CDC20B: variants seen among roughly 807,000 people sequenced by gnomAD.
CDC20B encodes the protein cell division cycle 20B, also known as cell division cycle protein 20 homolog B.
CDC20B carries 58 observed loss-of-function variants against 64.1 expected under a neutral mutation model. The observed-to-expected ratio is 0.90, with a 90% CI of 0.73 to 1.13. CDC20B has a LOEUF of 1.13. Ranked by LOEUF, CDC20B falls within the 50% of genes most tolerant of loss-of-function variation. The probability of loss-of-function intolerance (pLI) is 0.00; values close to 1 mark genes in which losing one functional copy is unlikely to be tolerated. For synonymous variants in CDC20B, 243 were observed against 230.6 expected (o/e 1.05, Z -0.49); for missense variants, 597 against 633.0 (o/e 0.94, Z 0.61).
intron 7 of CDC20B, among the ~76,000 whole-genome samples, chr5:55,127,689 T>A (rs76432642): frequency 8.9e-4 from 136 of 152,316 alleles, no homozygotes; most frequent in African/African-American, 3.2e-3. Flanking sequence ...AATCTGGAAA[T>A]CTACCCACAG....
At chr5:55,169,904 G>C (rs1007495230) in intron 2 of CDC20B, among the ~76,000 whole-genome samples, 8 of 152,166 alleles carry the variant, frequency 5.3e-5, no homozygotes, top group Admixed American at 1.3e-4. Flanking sequence ...ACGAGGTCAG[G>C]AGATCGAGAC....
chr5:55,172,305 A>C (rs1561100303), intron 2 of CDC20B: 6 of 348,352 alleles, frequency 1.7e-5, no homozygotes, highest in Non-Finnish European at 3.2e-5. Flanking sequence ...CAACTGTTAA[A>C]ATCATTAACA....
At chr5:55,148,579 T>C (rs1743568721) in intron 2 of CDC20B, among the ~76,000 whole-genome samples, 1 of 152,254 alleles carries the variant, frequency 6.6e-6, no homozygotes, top group South Asian at 2.1e-4. Context: ...TTGAGCGTGG[T>C]GGTGTGTACT....
rs895423889 is a variant in CDC20B at position 55,154,834 on chromosome 5, A to G, written c.127-7978T>C. Among the ~76,000 whole-genome samples, 4 of 152,222 alleles carry G rather than the reference A, an allele frequency of 2.6e-5. No individual in the cohort carries two copies. In the East Asian group the frequency reaches 7.7e-4, roughly 29 times the overall value. On this transcript the variant is annotated intron_variant, in intron 2 of 11. Transcript: ENST00000381375. Reference sequence around the variant, plus strand: ...TTTCCTTAGAAAAATTAATTTTAGAAAAATAAATTGTATTTAAATACTCAT... The same window carrying G: ...TTTCCTTAGAAAAATTAATTTTAGAGAAATAAATTGTATTTAAATACTCAT...
chr5:55,146,846 G>T lies in CDC20B; in HGVS notation c.137C>A (p.Ser46Ter). 6.2e-7 allele frequency: 1 copy of T among 1,613,792 alleles called. No homozygotes were observed. The highest frequency in any genetic ancestry group is 1.1e-5 in the South Asian group (1 of 91,052). The change falls in exon 3 of 12, where the codon TCA becomes TAA. Residue 46 changes from serine to a stop codon, truncating the protein, a stop_gained. Coordinates refer to ENST00000381375, the MANE Select transcript of CDC20B (RefSeq NM_001170402.1). LOFTEE classifies it high-confidence loss of function. ...RSQDSANVLD[S>*]VNATYSDFKS... Reference sequence around the variant, plus strand: ...AAAGTCAGAATACGTAGCATTAACTGAATCGAGTACCTGTTTAACAACAAA... The same window carrying T: ...AAAGTCAGAATACGTAGCATTAACTTAATCGAGTACCTGTTTAACAACAAA...
chr5:55,120,419 A>G lies in CDC20B; in HGVS notation c.1341+6T>C. 1 of 1,613,612 alleles carries G rather than the reference A, an allele frequency of 6.2e-7. No individual in the cohort carries two copies. The highest frequency in any genetic ancestry group is 1.1e-5 in the South Asian group (1 of 91,082). Reference sequence around the variant, plus strand: ...AATGAAGATGAAGCCCAGAGGAGATATTAACCTGTGAGTTTGTGCTTGGGG... The same window carrying G: ...AATGAAGATGAAGCCCAGAGGAGATGTTAACCTGTGAGTTTGTGCTTGGGG... On this transcript the variant is annotated splice_donor_region_variant and intron_variant, in intron 10 of 11. Coordinates refer to ENST00000381375, the MANE Select transcript of CDC20B (RefSeq NM_001170402.1).
intron 1 of CDC20B, 27 bp from the exon 2 acceptor site, chr5:55,172,677 G>A: frequency 6.6e-7 from 1 of 1,522,096 alleles, no homozygotes. Context: ...AACATATTGA[G>A]GGAGAAACTA....
intron 2 of CDC20B, among the ~76,000 whole-genome samples, chr5:55,151,432 C>A (rs955542674): frequency 6.6e-6 from 1 of 152,148 alleles, no homozygotes; most frequent in African/African-American, 2.4e-5. Context: ...GGAAGATAAA[C>A]TTAGTTTGCA....
Position 55,125,146 on chromosome 5 carries a change from A to G in CDC20B, c.990-118T>C, listed in dbSNP as rs78392493. 145 of 699,964 alleles carry G rather than the reference A, an allele frequency of 2.1e-4. 1 individual carries two copies. The East Asian group carries it at 3.8e-3, about 18-fold the overall frequency. The allele number at this position is 699,964 out of a possible 1,614,324, so 43.4% of individuals were successfully genotyped here. ...AAGACCCCTAGGACAGATTCAAAAC[A>G]CAGGTGGAGATTCCTTGGGTTAATA... is the stretch of plus-strand genomic sequence containing the variant. On this transcript the variant is annotated intron_variant, in intron 8 of 11. Coordinates refer to ENST00000381375, the MANE Select transcript of CDC20B (RefSeq NM_001170402.1).
chr5:55,161,632 G>T (rs1744070446), intron 2 of CDC20B, among the ~76,000 whole-genome samples: 1 of 152,126 alleles, frequency 6.6e-6, no homozygotes, highest in South Asian at 2.1e-4. Context: ...GAATAGTGCT[G>T]GGCATTATTA....
rs1017121579 is a variant in CDC20B, at chr5:55,124,625, C to T, written c.1215+178G>A. 3.3e-5 allele frequency among the ~76,000 whole-genome samples: 5 copies of T among 152,210 alleles called. No homozygotes were observed. In the East Asian group the frequency reaches 9.6e-4, roughly 29 times the overall value. On this transcript the variant is annotated intron_variant, in intron 9 of 11. Transcript: ENST00000381375. Reference sequence around the variant, plus strand: ...TTTCAGTCACCTACAACTAAAAAATCTGACCAGTGGAAAGTATAAATAGGG... The same window carrying T: ...TTTCAGTCACCTACAACTAAAAAATTTGACCAGTGGAAAGTATAAATAGGG...
chr5:55,155,691 C>A (rs1037391891), intron 2 of CDC20B, among the ~76,000 whole-genome samples: 1 of 152,182 alleles, frequency 6.6e-6, no homozygotes, highest in Admixed American at 6.5e-5. Flanking sequence ...TAAACATCAT[C>A]CTTTATCTCT....
rs1326296559 is a variant in CDC20B at position 55,160,363 on chromosome 5, A to C, written c.126+12225T>G. The C allele has an allele frequency of 3.7e-6, 6 of 1,613,036 alleles. No individual in the cohort carries two copies. In the South Asian group the frequency reaches 5.5e-5, roughly 15 times the overall value. On this transcript the variant is annotated intron_variant, in intron 2 of 11. Coordinates refer to ENST00000381375, the MANE Select transcript of CDC20B (RefSeq NM_001170402.1). ...CCTTTGAAGTGAAGGATGCAAAAGGAAGAACTGTTTCTCTGGAAAAGTATA... is the reference window on the plus strand; with the variant it reads ...CCTTTGAAGTGAAGGATGCAAAAGGCAGAACTGTTTCTCTGGAAAAGTATA...
At chr5:55,115,474 G>A (rs1003107574) in intron 11 of CDC20B, among the ~76,000 whole-genome samples, 11 of 152,204 alleles carry the variant, frequency 7.2e-5, no homozygotes, top group African/African-American at 2.7e-4. Context: ...TCAAGGGCTA[G>A]TGCTCCTTGG....
intron 2 of CDC20B, chr5:55,172,232 T>C (rs1328810208): frequency 1.2e-5 from 3 of 241,692 alleles, no homozygotes; most frequent in East Asian, 1.2e-4. Context: ...GTCCACAAGA[T>C]GGCACCATTT....
chr5:55,161,331 T>C, intron 2 of CDC20B: 1 of 1,346,176 alleles, frequency 7.4e-7, no homozygotes, highest in South Asian at 1.4e-5. Context: ...AATACTTTCC[T>C]ATTTCATTTG....
At chr5:55,164,092 G>C (rs758275498) in intron 2 of CDC20B, 2 of 1,598,368 alleles carry the variant, frequency 1.3e-6, no homozygotes, top group Non-Finnish European at 8.5e-7. Context: ...ATTTTTGGAA[G>C]TATCTTGTCA....
In CDC20B at chr5:55,126,466, C is replaced by CAAAA. The variant is rs34581363; in HGVS notation, c.989+787_989+790dup. On this transcript the variant is annotated intron_variant, in intron 8 of 11. Transcript: ENST00000381375. ...TAGGTGACAGAGTGAGATTCCATGT[C>CAAAA]AAAAAAAAAAAAAAAAAAAAACAGT... 5.0e-3 allele frequency: 490 copies of CAAAA among 98,536 alleles called. 20 individuals carry two copies. The highest frequency in any genetic ancestry group is 0.011 in the Middle Eastern group (2 of 186). 6.1% of individuals were successfully genotyped at this position (98,536 alleles called of 1,614,324 possible).
chr5:55,129,445 T>C (rs1268658880), intron 6 of CDC20B, among the ~76,000 whole-genome samples: 1 of 152,108 alleles, frequency 6.6e-6, no homozygotes, highest in Non-Finnish European at 1.5e-5. Context: ...GCCCCATTGA[T>C]GGAGTGCCAG....
Sources: gnomAD v4.1 joint callset for allele counts (sites outside exome capture counted in the v4.1 genomes callset) on GRCh38, gnomAD v4.1.1 for gene constraint, MANE v1.5 for transcripts, NCBI Gene and HGNC (gene_info 2026-07-23, HGNC 2026-07-21) for gene names.